Variants in SLC25A24 observed in about 807,000 individuals in gnomAD.
SLC25A24 encodes mitochondrial adenyl nucleotide antiporter SLC25A24.
SLC25A24 carries 49 observed loss-of-function variants against 60.7 expected under a neutral mutation model. The ratio of observed to expected loss-of-function variants is 0.81; its 90% confidence interval spans 0.64 to 1.02. The LOEUF is 1.02. Ranked by LOEUF, SLC25A24 falls within the 50% of genes least tolerant of loss-of-function variation. The probability of loss-of-function intolerance (pLI) is 0.00; values close to 1 mark genes in which losing one functional copy is unlikely to be tolerated. For missense variants in SLC25A24, 564 were observed against 586.3 expected (o/e 0.96, Z 0.39); for synonymous variants, 202 against 200.6 (o/e 1.01, Z -0.06).
chr1:108,150,380 G>A, intron 6 of SLC25A24, among the ~76,000 whole-genome samples: 1 of 152,180 alleles, frequency 6.6e-6, no homozygotes, highest in East Asian at 1.9e-4. Flanking sequence ...TAGTCACAGA[G>A]ACTTTAAGTA....
At chr1:108,187,643 T>C (rs562140044) in intron 1 of SLC25A24, among the ~76,000 whole-genome samples, 1 of 152,084 alleles carries the variant, frequency 6.6e-6, no homozygotes, top group African/African-American at 2.4e-5. Context: ...AAAGTGTAAT[T>C]TGAAAACATT....
intron 6 of SLC25A24, among the ~76,000 whole-genome samples, chr1:108,150,844 T>C (rs1023393667): frequency 6.6e-5 from 10 of 152,172 alleles, no homozygotes; most frequent in Non-Finnish European, 1.3e-4. Context: ...ACCTATGTTT[T>C]CAACTTCTTT....
chr1:108,136,010 T>C lies in SLC25A24; in HGVS notation c.*643A>G, dbSNP rs1290553643. 5 of 152,220 alleles carry C rather than the reference T, an allele frequency of 3.3e-5. No homozygotes were observed. Among genetic ancestry groups the C allele is most frequent in the Admixed American group, 2.6e-4 (4 of 15,284 alleles). The allele number at this position is 152,220 out of a possible 1,614,324, so 9.4% of individuals were successfully genotyped here. A position where few individuals can be genotyped will look rare whatever the true frequency, so the allele number is the denominator to read the frequency against. On this transcript the variant is annotated 3_prime_UTR_variant, in exon 10 of 10. Coordinates refer to ENST00000565488, the MANE Select transcript of SLC25A24 (RefSeq NM_013386.5). ...CAGTAATATACTGAAAATTAGTGTA[T>C]AACTCCAGGAACCAAATAATGGTAC...
intron 7 of SLC25A24, among the ~76,000 whole-genome samples, chr1:108,145,785 A>T (rs746769300): frequency 8.5e-4 from 129 of 152,286 alleles, no homozygotes; most frequent in Non-Finnish European, 1.6e-3. Context: ...TACCAGTACC[A>T]TGCTGTTTTG....
intron 8 of SLC25A24, among the ~76,000 whole-genome samples, chr1:108,139,493 A>T (rs1375585815): frequency 6.6e-6 from 1 of 152,252 alleles, no homozygotes; most frequent in Non-Finnish European, 1.5e-5. Flanking sequence ...TATGGTGAGT[A>T]TTAATAAAAT....
chr1:108,154,003 C>T (rs1438180881), intron 6 of SLC25A24, among the ~76,000 whole-genome samples: 1 of 151,344 alleles, frequency 6.6e-6, no homozygotes, highest in East Asian at 1.9e-4. Context: ...ATCTTCAAAC[C>T]TTCATATAAG....
chr1:108,200,176 C>T lies in SLC25A24; in HGVS notation c.-38G>A. ...GCAGGCGGCCTGGCCGAGGAAGTCA[C>T]GGGAGATCGAGGGCTGCGGGGCGAG... On this transcript the variant is annotated 5_prime_UTR_variant, in exon 1 of 10. It adds an upstream start codon to the 5' untranslated region. Coordinates refer to ENST00000565488, the MANE Select transcript of SLC25A24 (RefSeq NM_013386.5). 1 of 1,519,536 alleles carries T rather than the reference C, an allele frequency of 6.6e-7. No homozygotes were observed. The highest frequency in any genetic ancestry group is 8.8e-7 in the Non-Finnish European group (1 of 1,137,372). The allele number at this position is 1,519,536 out of a possible 1,614,324, so 94.1% of individuals were successfully genotyped here.
Position 108,143,571 on chromosome 1 carries a change from T to C in SLC25A24, c.1070A>G (p.Tyr357Cys), listed in dbSNP as rs777615637. 10 of 1,613,082 alleles carry C rather than the reference T, an allele frequency of 6.2e-6. No homozygotes were observed. In the African/African-American group the frequency reaches 6.7e-5, roughly 11 times the overall value. The change falls in exon 8 of 10, where the codon TAT becomes TGT. Residue 357 changes from tyrosine to cysteine, a missense_variant. By Grantham distance (194) the Tyr-to-Cys change is radical. Transcript: ENST00000565488. ...YVPNLLGIIPYAGIDLAVYEL... is the reference protein window; with the variant it reads ...YVPNLLGIIPCAGIDLAVYEL... The stretch of plus-strand genomic sequence containing the variant: ...ATACACAGCAAGATCTATGCCTGCA[T>C]AAGGTATGATACCTAATAAATTGGG...
rs942530692 is a variant in SLC25A24, at chr1:108,136,181, G to T, written c.*472C>A. The stretch of plus-strand genomic sequence containing the variant: ...CTTATTTGGATGCTTTTGCTGTAAG[G>T]TATATTTTAAATGTAATGATTTTCT... On this transcript the variant is annotated 3_prime_UTR_variant, in exon 10 of 10. Transcript: ENST00000565488. The T allele has an allele frequency of 6.6e-6, 1 of 152,518 alleles. No individual in the cohort carries two copies. The highest frequency in any genetic ancestry group is 1.5e-5 in the Non-Finnish European group (1 of 68,348). 9.4% of individuals were successfully genotyped at this position (152,518 alleles called of 1,614,324 possible).
intron 8 of SLC25A24, among the ~76,000 whole-genome samples, chr1:108,139,415 G>A (rs1571275487): frequency 6.6e-6 from 1 of 152,280 alleles, no homozygotes; most frequent in East Asian, 1.9e-4. Flanking sequence ...GTTTGCACCG[G>A]TTACTGACAT....
In SLC25A24 at chr1:108,139,106, G is replaced by A; in HGVS notation, c.1201C>T (p.Leu401=). ...ACCAAAGCCAATGGGTAGCTGGCCAGCTGACCACAGGTGCTGGATAAGGCA... is the reference window on the plus strand; with the variant it reads ...ACCAAAGCCAATGGGTAGCTGGCCAACTGACCACAGGTGCTGGATAAGGCA... ...CGALSSTCGQ[L]ASYPLALVRT... is the part of the protein sequence containing the mutation. Residue 401 remains leucine (L), a synonymous_variant, in exon 9 of 10, where the codon CTG becomes TTG. Coordinates refer to ENST00000565488, the MANE Select transcript of SLC25A24 (RefSeq NM_013386.5). 1.2e-6 allele frequency: 2 copies of A among 1,609,468 alleles called. No homozygotes were observed. Among genetic ancestry groups the A allele is most frequent in the African/African-American group, 1.3e-5 (1 of 74,892 alleles).
chr1:108,200,263 G>T lies in SLC25A24; in HGVS notation c.-125C>A. ...GCGGCGCAACAGCGTTTGGGGCGCC[G>T]TCGGGGTTGCGGCTGCGGCGCGCAG... On this transcript the variant is annotated 5_prime_UTR_variant, in exon 1 of 10. Coordinates refer to ENST00000565488, the MANE Select transcript of SLC25A24 (RefSeq NM_013386.5). The T allele has an allele frequency of 1.0e-6, 1 of 952,694 alleles. No homozygotes were observed. Among genetic ancestry groups the T allele is most frequent in the Non-Finnish European group, 1.4e-6 (1 of 716,712 alleles). The allele number at this position is 952,694 out of a possible 1,614,324, so 59.0% of individuals were successfully genotyped here.
At chr1:108,186,788 C>A (rs1648138514) in intron 1 of SLC25A24, among the ~76,000 whole-genome samples, 1 of 151,840 alleles carries the variant, frequency 6.6e-6, no homozygotes, top group Non-Finnish European at 1.5e-5. Context: ...GTAAATAATG[C>A]CAAGTTGGGC....
In SLC25A24 at chr1:108,195,736, T is replaced by C. The variant is rs894581151; in HGVS notation, c.183+4220A>G. Among the ~76,000 whole-genome samples the C allele has an allele frequency of 4.6e-5, 7 of 152,302 alleles. No individual in the cohort carries two copies. In the East Asian group the frequency reaches 1.4e-3, roughly 29 times the overall value. Reference sequence around the variant, plus strand: ...GAAATGGGCTGGCCATGGTAGCTCATGCCTGTAATCTTAGCACTTTCAGAG... The same window carrying C: ...GAAATGGGCTGGCCATGGTAGCTCACGCCTGTAATCTTAGCACTTTCAGAG... On this transcript the variant is annotated intron_variant, in intron 1 of 9. Coordinates refer to ENST00000565488, the MANE Select transcript of SLC25A24 (RefSeq NM_013386.5).
chr1:108,151,604 CT>C lies in SLC25A24; in HGVS notation c.823-3219del, dbSNP rs1396314492. ...TCTTCTCAGTGTCCTTTGCAAGTTT[CT>C]TCTTTTACTTCTCCCTTTGGACTTA... On this transcript the variant is annotated intron_variant, in intron 6 of 9. Coordinates refer to ENST00000565488, the MANE Select transcript of SLC25A24 (RefSeq NM_013386.5). 4.6e-5 allele frequency among the ~76,000 whole-genome samples: 7 copies of C among 152,278 alleles called. No homozygotes were observed. The East Asian group carries it at 1.4e-3, about 29-fold the overall frequency.
chr1:108,166,226 A>G (rs1453554757), intron 3 of SLC25A24, among the ~76,000 whole-genome samples: 1 of 151,864 alleles, frequency 6.6e-6, no homozygotes, highest in Non-Finnish European at 1.5e-5. Context: ...TGCCCTTAAC[A>G]TTTTTTCCTT....
Position 108,174,237 on chromosome 1 carries a change from GCCTTGCTGCTTTGTGCAGTCTCAGGA to G in SLC25A24, c.398+7678_398+7703del, listed in dbSNP as rs1240881510. On this transcript the variant is annotated intron_variant, in intron 3 of 9. Coordinates refer to ENST00000565488, the MANE Select transcript of SLC25A24 (RefSeq NM_013386.5). ...AATGGTTTCCTGGGCCAGGCCCAGG[GCCTTGCTGCTTTGTGCAGTCTCAGGA>G]CTTGGTGCCCTGCATCCCAGCCATG... Among the ~76,000 whole-genome samples, 8 of 152,166 alleles carry G rather than the reference GCCTTGCTGCTTTGTGCAGTCTCAGGA, an allele frequency of 5.3e-5. No individual in the cohort carries two copies. In the East Asian group the frequency reaches 1.4e-3, roughly 26 times the overall value.
chr1:108,162,641 G>A (rs1436647697), intron 3 of SLC25A24, among the ~76,000 whole-genome samples: 1 of 152,118 alleles, frequency 6.6e-6, no homozygotes, highest in Non-Finnish European at 1.5e-5. Context: ...TGATAGGGTT[G>A]TTTGTTTTTT....
intron 1 of SLC25A24, among the ~76,000 whole-genome samples, chr1:108,187,652 T>C (rs1445036147): frequency 6.6e-6 from 1 of 151,920 alleles, no homozygotes; most frequent in African/African-American, 2.4e-5. Context: ...TTTGAAAACA[T>C]TTCCATGAAG....
Sources: allele counts gnomAD v4.1 joint callset (sites outside exome capture counted in the v4.1 genomes callset), GRCh38; gene constraint gnomAD v4.1.1; transcripts MANE v1.5; gene names NCBI Gene and HGNC (gene_info 2026-07-23, HGNC 2026-07-21).